The following SLC15A2 variants were observed in gnomAD, a reference collection of about 807,000 sequenced individuals.
SLC15A2 encodes kidney H(+)/peptide cotransporter.
A neutral mutation model predicts 95.5 loss-of-function variants in SLC15A2; 77 were observed. That is an observed-to-expected ratio of 0.81 (90% confidence interval 0.67 to 0.97). SLC15A2 has a LOEUF of 0.97. Ranked by LOEUF, SLC15A2 falls within the 50% of genes least tolerant of loss-of-function variation. The pLI, the probability that SLC15A2 is intolerant of heterozygous loss-of-function variation, is 0.00. For synonymous variants in SLC15A2, 306 were observed against 306.9 expected (o/e 1.00, Z 0.03); for missense variants, 893 against 874.4 (o/e 1.02, Z -0.27).
chr3:121,920,864 G>GAA (rs915555418), intron 7 of SLC15A2, among the ~76,000 whole-genome samples: 11 of 152,190 alleles, frequency 7.2e-5, no homozygotes, highest in African/African-American at 2.2e-4. Flanking sequence ...TTGTCACTGA[G>GAA]AAAATCATCT....
chr3:121,909,710 T>A (rs1004732398), intron 3 of SLC15A2, among the ~76,000 whole-genome samples: 1 of 152,188 alleles, frequency 6.6e-6, no homozygotes, highest in Non-Finnish European at 1.5e-5. Flanking sequence ...ATTCATTTAG[T>A]CCAAGCTTGT....
At chr3:121,902,460 T>C (rs989721793) in intron 3 of SLC15A2, among the ~76,000 whole-genome samples, 4 of 152,208 alleles carry the variant, frequency 2.6e-5, no homozygotes, top group Admixed American at 1.3e-4. Flanking sequence ...GTTGCACCCA[T>C]GAACTCGCCA....
Position 121,907,628 on chromosome 3 carries a change from T to C in SLC15A2, c.336-3946T>C, listed in dbSNP as rs536455839. Among the ~76,000 whole-genome samples, 354 of 152,354 alleles carry C rather than the reference T, an allele frequency of 2.3e-3. 1 individual carries two copies. The highest frequency in any genetic ancestry group is 8.1e-3 in the African/African-American group (336 of 41,578). Reference sequence around the variant, plus strand: ...GTCAGGTCCCTCAGCTGCGGGTCTGTTGGAGTTTGCTAGAAGTCCACTCCA... The same window carrying C: ...GTCAGGTCCCTCAGCTGCGGGTCTGCTGGAGTTTGCTAGAAGTCCACTCCA... On this transcript the variant is annotated intron_variant, in intron 3 of 21. Coordinates refer to ENST00000489711, the MANE Select transcript of SLC15A2 (RefSeq NM_021082.4).
intron 3 of SLC15A2, among the ~76,000 whole-genome samples, chr3:121,911,037 T>C (rs1287035436): frequency 2.6e-5 from 4 of 152,238 alleles, no homozygotes; most frequent in African/African-American, 4.8e-5. Context: ...AGGCTGAACC[T>C]GAGAGCTTTT....
chr3:121,939,993 A>G (rs905552062), intron 20 of SLC15A2, among the ~76,000 whole-genome samples: 2 of 152,026 alleles, frequency 1.3e-5, no homozygotes, highest in Admixed American at 6.5e-5. Flanking sequence ...TTTAGTAGAG[A>G]CAGGGTTTCA....
chr3:121,900,658 A>T (rs1709503446), intron 3 of SLC15A2, among the ~76,000 whole-genome samples: 1 of 151,828 alleles, frequency 6.6e-6, no homozygotes, highest in Admixed American at 6.6e-5. Flanking sequence ...TCTCTTTTTC[A>T]TGTCTGTTTG....
intron 11 of SLC15A2, among the ~76,000 whole-genome samples, chr3:121,923,701 G>A (rs1478852723): frequency 1.3e-5 from 2 of 152,084 alleles, no homozygotes; most frequent in Admixed American, 1.3e-4. Context: ...AGAATGAGAA[G>A]GTTATACGTA....
chr3:121,911,510 A>G (rs1181536934), intron 3 of SLC15A2, 64 bp from the exon 4 acceptor site: 30 of 1,099,276 alleles, frequency 2.7e-5, no homozygotes, highest in Non-Finnish European at 4.2e-5. Flanking sequence ...TATGAACCCT[A>G]AGTCTGTATT....
Position 121,940,837 on chromosome 3 carries a change from G to A in SLC15A2, c.2020G>A (p.Glu674Lys), listed in dbSNP as rs368822521. The change falls in exon 22 of 22, where the codon GAA becomes AAA. Residue 674 changes from glutamate (E) to lysine (K), a missense_variant. Coordinates refer to ENST00000489711, the MANE Select transcript of SLC15A2 (RefSeq NM_021082.4). Reference sequence around the variant, plus strand: ...TATTTATTTCCCCCTGCAGTGGGCCGAATTCATTTTGTTTTCCTGCCTCCT... The same window carrying A: ...TATTTATTTCCCCCTGCAGTGGGCCAAATTCATTTTGTTTTCCTGCCTCCT... Reference protein sequence around the residue: ...AQFSGLVQWAEFILFSCLLLV... With the variant: ...AQFSGLVQWAKFILFSCLLLV... 183 of 1,611,350 alleles carry A rather than the reference G, an allele frequency of 1.1e-4. 2 individuals carry two copies. In the South Asian group the frequency reaches 1.5e-3, roughly 13 times the overall value.
chr3:121,929,200 GTC>G, intron 16 of SLC15A2, 54 bp downstream of exon 16: 1 of 1,601,688 alleles, frequency 6.2e-7, no homozygotes, highest in Middle Eastern at 1.7e-4. Flanking sequence ...TAATATGACT[GTC>G]TCATCAACAT....
intron 7 of SLC15A2, among the ~76,000 whole-genome samples, chr3:121,916,161 T>C (rs1709890929): frequency 6.6e-6 from 1 of 152,242 alleles, no homozygotes; most frequent in African/African-American, 2.4e-5. Flanking sequence ...TTTAGCTATT[T>C]CTGCCCTGCT....
rs368922326 is a variant in SLC15A2 at position 121,940,433 on chromosome 3, T to C, written c.1958T>C (p.Ile653Thr). 2.8e-5 allele frequency: 45 copies of C among 1,613,986 alleles called. No homozygotes were observed. Among genetic ancestry groups the C allele is most frequent in the Non-Finnish European group, 3.7e-5 (44 of 1,179,982 alleles). ...SVLQAAWLLT[I>T]AVGNIIVLVV... ...CTCCAGGCAGCTTGGCTATTGACAA[T>C]TGCAGTTGGGAATATCATCGTGCTT... Residue 653 changes from isoleucine to threonine, a missense_variant, in exon 21 of 22, where the codon ATT becomes ACT. Physicochemically the swap from Ile to Thr is moderately conservative, Grantham distance 89 (BLOSUM62 -1). Coordinates refer to ENST00000489711, the MANE Select transcript of SLC15A2 (RefSeq NM_021082.4).
Position 121,940,898 on chromosome 3 carries a change from A to C in SLC15A2, c.2081A>C (p.Tyr694Ser). ...VICLIFSIMG[Y>S]YYVPVKTEDM... ...TGCCTGATCTTCTCCATCATGGGCT[A>C]CTACTATGTTCCTGTAAAGACAGAG... The change falls in exon 22 of 22, where the codon TAC becomes TCC. Residue 694 changes from tyrosine to serine, a missense_variant. Coordinates refer to ENST00000489711, the MANE Select transcript of SLC15A2 (RefSeq NM_021082.4). The C allele has an allele frequency of 6.2e-7, 1 of 1,614,142 alleles. No individual in the cohort carries two copies. Among genetic ancestry groups the C allele is most frequent in the South Asian group, 1.1e-5 (1 of 91,078 alleles).
In SLC15A2 at chr3:121,915,609, T is replaced by C; in HGVS notation, c.620-7T>C. On this transcript the variant is annotated splice_polypyrimidine_tract_variant and splice_region_variant and intron_variant, in intron 6 of 21. Transcript: ENST00000489711. ...TTACTTTCCTCCTCCCATCCCATTT[T>C]CTTTAGGAGATGTGCAATGTTTTGG... The C allele has an allele frequency of 6.2e-7, 1 of 1,609,844 alleles. No individual in the cohort carries two copies. Among genetic ancestry groups the C allele is most frequent in the Admixed American group, 1.7e-5 (1 of 60,024 alleles).
chr3:121,895,874 T>A (rs1709405174), intron 1 of SLC15A2, among the ~76,000 whole-genome samples: 1 of 152,172 alleles, frequency 6.6e-6, no homozygotes, highest in East Asian at 1.9e-4. Flanking sequence ...TAGGAATCTC[T>A]GTCCTCCATG....
intron 1 of SLC15A2, chr3:121,895,404 C>T (rs1709397722): frequency 6.6e-6 from 1 of 152,148 alleles, no homozygotes; most frequent in Non-Finnish European, 1.5e-5. Context: ...ATGTTTCAAA[C>T]AAGCTATTAT....
intron 17 of SLC15A2, 41 bp downstream of exon 17, chr3:121,929,389 G>C: frequency 6.3e-7 from 1 of 1,592,718 alleles, no homozygotes. Flanking sequence ...CTGTTTTCTT[G>C]AATCTTGGAT....
chr3:121,934,700 C>T (rs963198020), intron 19 of SLC15A2, among the ~76,000 whole-genome samples: 3 of 152,266 alleles, frequency 2.0e-5, no homozygotes, highest in South Asian at 2.1e-4. Context: ...ACAATCATGT[C>T]GTCTGCAAAT....
chr3:121,928,447 C>A lies in SLC15A2; in HGVS notation c.1233C>A (p.Pro411=), dbSNP rs776125920. The A allele has an allele frequency of 1.2e-6, 2 of 1,613,966 alleles. No homozygotes were observed. Among genetic ancestry groups the A allele is most frequent in the Admixed American group, 1.7e-5 (1 of 60,010 alleles). Residue 411 remains proline, a synonymous_variant, in exon 15 of 22, where the codon CCC becomes CCA. Coordinates refer to ENST00000489711, the MANE Select transcript of SLC15A2 (RefSeq NM_021082.4). ...INEMAPAQPG[P]QEVFLQVLNL... is the part of the protein sequence containing the mutation. ...AAATGGCCCCAGCCCAGCCAGGTCC[C>A]CAGGAGGTTTTCCTACAAGTCTTGA...
Sources: gnomAD v4.1 joint callset for allele counts (sites outside exome capture counted in the v4.1 genomes callset) on GRCh38, gnomAD v4.1.1 for gene constraint, MANE v1.5 for transcripts, NCBI Gene and HGNC (gene_info 2026-07-23, HGNC 2026-07-21) for gene names.